The following NELL1 variants were observed in gnomAD, a reference collection of about 807,000 sequenced individuals.
NELL1 encodes protein kinase C-binding protein NELL1.
Under a neutral mutation model 107.4 loss-of-function variants are expected in NELL1, and 76 were observed. The ratio of observed to expected loss-of-function variants is 0.71; its 90% CI spans 0.59 to 0.86. NELL1 has a LOEUF of 0.86. NELL1 is among the 40% of genes least tolerant of loss of function. NELL1 has a pLI of 0.00. For synonymous variants in NELL1, 353 were observed against 341.2 expected (o/e 1.03, Z -0.38); for missense variants, 1,024 against 1,005.5 (o/e 1.02, Z -0.25).
chr11:20,884,396 G>A (rs11025798), intron 4 of NELL1, among the ~76,000 whole-genome samples: 46,715 of 152,090 alleles, frequency 0.31, 8,782 homozygotes, highest in Non-Finnish European at 0.41. Flanking sequence ...TTCCGCAGCC[G>A]TTGCTCAGTC....
intron 3 of NELL1, among the ~76,000 whole-genome samples, chr11:20,822,832 T>C (rs538608158): frequency 5.9e-5 from 9 of 152,298 alleles, no homozygotes; most frequent in East Asian, 3.9e-4. Flanking sequence ...GGAAGTCTTA[T>C]GTGCTCAGCT....
intron 11 of NELL1, among the ~76,000 whole-genome samples, chr11:20,950,623 CT>C (rs1851050963): frequency 6.6e-6 from 1 of 152,188 alleles, no homozygotes; most frequent in African/African-American, 2.4e-5. Context: ...CCCTTCTCCC[CT>C]TCTCTGAAAC....
chr11:20,919,984 T>C (rs1457444807), intron 7 of NELL1, among the ~76,000 whole-genome samples: 1 of 152,140 alleles, frequency 6.6e-6, no homozygotes, highest in East Asian at 1.9e-4. Flanking sequence ...AAAGACACGC[T>C]TTCTACCCTA....
intron 2 of NELL1, among the ~76,000 whole-genome samples, chr11:20,702,514 G>A (rs144333500): frequency 1.5e-4 from 22 of 151,690 alleles, no homozygotes; most frequent in Admixed American, 2.6e-4. Flanking sequence ...CTTCTCCTGC[G>A]TGATTGCCCT....
At chr11:20,691,411 G>T (rs183374806) in intron 2 of NELL1, among the ~76,000 whole-genome samples, 2,257 of 151,602 alleles carry the variant, frequency 0.015, 54 homozygotes, top group African/African-American at 0.052. Context: ...TATGATATTG[G>T]CTGTGGGTTT....
intron 15 of NELL1, among the ~76,000 whole-genome samples, chr11:21,504,937 A>C (rs1394826836): frequency 6.6e-6 from 1 of 152,144 alleles, no homozygotes; most frequent in African/African-American, 2.4e-5. Flanking sequence ...TTCTAGCTAA[A>C]AGTCATGTTT....
intron 12 of NELL1, among the ~76,000 whole-genome samples, chr11:21,012,966 A>G (rs148413683): frequency 3.4e-3 from 477 of 139,248 alleles, no homozygotes; most frequent in African/African-American, 0.015. Context: ...CGTAATTTCT[A>G]ATCTTGTGGC....
chr11:20,909,695 A>G (rs1424695147), intron 5 of NELL1, among the ~76,000 whole-genome samples: 1 of 151,996 alleles, frequency 6.6e-6, no homozygotes, highest in African/African-American at 2.4e-5. Context: ...ACCTTCTCTC[A>G]TGCCATTTTC....
intron 12 of NELL1, among the ~76,000 whole-genome samples, chr11:20,964,680 G>A (rs915040775): frequency 2.6e-5 from 4 of 152,146 alleles, no homozygotes; most frequent in Non-Finnish European, 5.9e-5. Flanking sequence ...CCAATACTGT[G>A]CTAGTGTTCA....
chr11:20,979,936 G>T (rs1331111507), intron 12 of NELL1, among the ~76,000 whole-genome samples: 1 of 152,120 alleles, frequency 6.6e-6, no homozygotes, highest in Non-Finnish European at 1.5e-5. Context: ...ATGCAACAAA[G>T]GAAGAACAGG....
chr11:20,813,154 C>T (rs1421574087), intron 3 of NELL1, among the ~76,000 whole-genome samples: 1 of 151,278 alleles, frequency 6.6e-6, no homozygotes, highest in Non-Finnish European at 1.5e-5. Context: ...TTGTTTTCTG[C>T]AGGTTACTCC....
chr11:20,741,099 C>A, intron 2 of NELL1, among the ~76,000 whole-genome samples: 1 of 152,086 alleles, frequency 6.6e-6, no homozygotes, highest in Non-Finnish European at 1.5e-5. Flanking sequence ...CACCCCATCC[C>A]CCGTTTTAAC....
chr11:21,228,028 G>T (rs1467045752), intron 13 of NELL1, among the ~76,000 whole-genome samples: 1 of 152,022 alleles, frequency 6.6e-6, no homozygotes, highest in Non-Finnish European at 1.5e-5. Context: ...TTTTTGTTTT[G>T]TTCCAATTAG....
chr11:21,329,162 C>T (rs1850215173), intron 14 of NELL1, among the ~76,000 whole-genome samples: 1 of 152,108 alleles, frequency 6.6e-6, no homozygotes, highest in Non-Finnish European at 1.5e-5. Flanking sequence ...CTTGTAGTTT[C>T]CATAATCTCC....
At position 20,750,699 on chromosome 11, in the gene NELL1, G is replaced by A. The variant is rs559901883; in HGVS notation, c.185-32981G>A. ...ATTCTTGGGCTCAGGTGATCCTCCC[G>A]TCTCAACCTCCCCAGTAGCTAGGAA... is the stretch of plus-strand genomic sequence containing the variant. On this transcript the variant is annotated intron_variant, in intron 2 of 19. Coordinates refer to ENST00000357134, the MANE Select transcript of NELL1 (RefSeq NM_006157.5). Among the ~76,000 whole-genome samples the A allele has an allele frequency of 5.8e-4, 88 of 152,068 alleles. No individual in the cohort carries two copies. In the Middle Eastern group the frequency reaches 0.01, roughly 18 times the overall value.
chr11:20,701,862 G>A (rs1026185087), intron 2 of NELL1, among the ~76,000 whole-genome samples: 6 of 152,152 alleles, frequency 3.9e-5, no homozygotes, highest in African/African-American at 9.6e-5. Flanking sequence ...TGTTCCATTG[G>A]TCTATATCTC....
intron 15 of NELL1, among the ~76,000 whole-genome samples, chr11:21,468,564 T>C (rs1037518311): frequency 6.6e-6 from 1 of 152,090 alleles, no homozygotes; most frequent in African/African-American, 2.4e-5. Context: ...AATTTGCTTC[T>C]ACAGTGGCAA....
intron 12 of NELL1, among the ~76,000 whole-genome samples, chr11:21,019,367 T>C (rs1382689269): frequency 6.6e-6 from 1 of 152,022 alleles, no homozygotes; most frequent in East Asian, 1.9e-4. Flanking sequence ...TGACATCCAG[T>C]CGGGAAAGAA....
At chr11:20,990,857 C>G (rs1252104821) in intron 12 of NELL1, among the ~76,000 whole-genome samples, 1 of 152,152 alleles carries the variant, frequency 6.6e-6, no homozygotes, top group Non-Finnish European at 1.5e-5. Context: ...CTAATTCTGG[C>G]TCTGGGGAGA....
Sources: allele counts gnomAD v4.1 joint callset (sites outside exome capture counted in the v4.1 genomes callset), GRCh38; gene constraint gnomAD v4.1.1; transcripts MANE v1.5; gene names NCBI Gene and HGNC (gene_info 2026-07-23, HGNC 2026-07-21).